Variants in PKD1L1 observed in about 807,000 individuals in gnomAD.
PKD1L1 encodes polycystin 1 like 1, transient receptor potential channel interacting.
Under a neutral mutation model 323.4 loss-of-function variants are expected in PKD1L1, and 236 were observed. That is an observed-to-expected ratio of 0.73 (90% confidence interval 0.66 to 0.81). The LOEUF is 0.81. Ranked by LOEUF, PKD1L1 falls within the 40% of genes least tolerant of loss-of-function variation. The pLI, the probability that PKD1L1 is intolerant of heterozygous loss-of-function variation, is 0.00. For missense variants in PKD1L1, 3,320 were observed against 3,508.0 expected (o/e 0.95, Z 1.35); for synonymous variants, 1,344 against 1,335.0 (o/e 1.01, Z -0.15).
chr7:47,839,557 G>A lies in PKD1L1; in HGVS notation c.5658C>T (p.His1886=), dbSNP rs150489542. 1.8e-5 allele frequency: 29 copies of A among 1,607,998 alleles called. No individual in the cohort carries two copies. In the African/African-American group the frequency reaches 3.7e-4, roughly 21 times the overall value. Residue 1886 remains histidine (H), a synonymous_variant, in exon 36 of 57, where the codon CAC becomes CAT. Coordinates refer to ENST00000289672, the MANE Select transcript of PKD1L1 (RefSeq NM_138295.5). This position sits in a 1 kb window ranked among gnomAD's most constrained non-coding sequence, Gnocchi z 4.3. ...FISHVMVKEL[H]TGQGWFFPAQ... Reference sequence around the variant, plus strand: ...CAGGGAAGAACCAGCCCTGTCCCGTGTGCAGCTCCTTCACCATCACGTGGC... The same window carrying A: ...CAGGGAAGAACCAGCCCTGTCCCGTATGCAGCTCCTTCACCATCACGTGGC...
At chr7:47,899,791 C>T (rs1408892131) in intron 13 of PKD1L1, among the ~76,000 whole-genome samples, 1 of 151,928 alleles carries the variant, frequency 6.6e-6, no homozygotes, top group Admixed American at 6.6e-5. Flanking sequence ...CCTGTTTTTA[C>T]TAAAAATACA....
rs1408806107 is a variant in PKD1L1 at position 47,931,324 on chromosome 7, TA to T, written c.520-4del. On this transcript the variant is annotated splice_region_variant and splice_polypyrimidine_tract_variant and intron_variant, in intron 5 of 56. Coordinates refer to ENST00000289672, the MANE Select transcript of PKD1L1 (RefSeq NM_138295.5). ...GCTGCAGAAGTGGTGCCCTGGAGCT[TA>T]AAAGTTTAAGAACAGTTCAGGGTTT... 1.2e-6 allele frequency: 2 copies of T among 1,613,980 alleles called. No individual in the cohort carries two copies. The highest frequency in any genetic ancestry group is 4.5e-5 in the East Asian group (2 of 44,906).
chr7:47,844,931 C>T (rs1785632876), intron 33 of PKD1L1, 64 bp downstream of exon 33: 1 of 1,370,308 alleles, frequency 7.3e-7, no homozygotes, highest in South Asian at 1.3e-5. Context: ...TATATGTGGG[C>T]ATCCTGAGTG....
Position 47,829,311 on chromosome 7 carries a change from G to T in PKD1L1, c.6735+114C>A. ...GCATAAGAAATTAAGACATCCCATG[G>T]GTCTCCAAAGATGCAACCCAATCTG... On this transcript the variant is annotated intron_variant, in intron 44 of 56. Transcript: ENST00000289672. The T allele has an allele frequency of 9.8e-6, 10 of 1,021,506 alleles. No individual in the cohort carries two copies. In the South Asian group the frequency reaches 1.8e-4, roughly 19 times the overall value. The allele number at this position is 1,021,506 out of a possible 1,614,324, so 63.3% of individuals were successfully genotyped here.
At chr7:47,777,917 C>G (rs1376904378) in intron 56 of PKD1L1, among the ~76,000 whole-genome samples, 1 of 152,194 alleles carries the variant, frequency 6.6e-6, no homozygotes, top group Non-Finnish European at 1.5e-5. Flanking sequence ...ACACATTGCT[C>G]TCTATAGGGG....
At chr7:47,834,445 G>T in intron 39 of PKD1L1, 60 bp from the exon 40 acceptor site, 1 of 1,393,430 alleles carries the variant, frequency 7.2e-7, no homozygotes, top group Non-Finnish European at 1.0e-6. Context: ...TTTAAACAGG[G>T]ATATGTTTAA....
At chr7:47,890,045 G>A (rs1423557272) in intron 16 of PKD1L1, among the ~76,000 whole-genome samples, 1 of 152,228 alleles carries the variant, frequency 6.6e-6, no homozygotes, top group Non-Finnish European at 1.5e-5. Flanking sequence ...CAGCGCTACA[G>A]GGGTTCTGGG....
At chr7:47,906,510 CCCT>C (rs1159942135) in intron 9 of PKD1L1, among the ~76,000 whole-genome samples, 10 of 152,088 alleles carry the variant, frequency 6.6e-5, no homozygotes, top group African/African-American at 1.4e-4. Context: ...ATCACACATA[CCCT>C]CCTATGACAT....
intron 56 of PKD1L1, among the ~76,000 whole-genome samples, chr7:47,783,307 T>C (rs1195974621): frequency 4.8e-5 from 7 of 146,886 alleles, no homozygotes; most frequent in African/African-American, 1.8e-4. Context: ...AACATCATTC[T>C]TATAAAAGCA....
chr7:47,940,708 A>G (rs1328148206), intron 2 of PKD1L1, among the ~76,000 whole-genome samples: 3 of 152,214 alleles, frequency 2.0e-5, no homozygotes, highest in Non-Finnish European at 4.4e-5. Context: ...GCTGTTGGAC[A>G]AACAGGAAGA....
Position 47,842,899 on chromosome 7 carries a change from C to T in PKD1L1, c.5445+63G>A, listed in dbSNP as rs1224834726. ...GACGGGGCAGCCAAATCACCAAATC[C>T]TCACTTCTGATGTTGACACTGCTTA... On this transcript the variant is annotated intron_variant, in intron 34 of 56. Coordinates refer to ENST00000289672, the MANE Select transcript of PKD1L1 (RefSeq NM_138295.5). The T allele has an allele frequency of 7.5e-6, 11 of 1,467,430 alleles. 1 individual carries two copies. The South Asian group carries it at 1.4e-4, about 19-fold the overall frequency. 90.9% of individuals were successfully genotyped at this position (1,467,430 alleles called of 1,614,324 possible).
At chr7:47,865,511 G>A (rs1481474169) in intron 25 of PKD1L1, among the ~76,000 whole-genome samples, 2 of 151,286 alleles carry the variant, frequency 1.3e-5, no homozygotes, top group South Asian at 2.1e-4. Context: ...CACTCCATCA[G>A]GGAACTGACA....
At chr7:47,831,405 A>G (rs2128735435) in intron 41 of PKD1L1, 53 bp from the exon 42 acceptor site, 2 of 1,564,214 alleles carry the variant, frequency 1.3e-6, no homozygotes, top group East Asian at 2.3e-5. Context: ...CGGCATCTCC[A>G]TCCACGCGGA....
intron 46 of PKD1L1, among the ~76,000 whole-genome samples, chr7:47,816,607 G>A (rs1324226722): frequency 6.6e-6 from 1 of 152,190 alleles, no homozygotes; most frequent in African/African-American, 2.4e-5. Flanking sequence ...AAACAGAAAT[G>A]GCTCTGATGT....
chr7:47,882,989 A>C (rs1461637199), intron 19 of PKD1L1, among the ~76,000 whole-genome samples: 1 of 152,196 alleles, frequency 6.6e-6, no homozygotes, highest in Non-Finnish European at 1.5e-5. Flanking sequence ...TAAGACTTGA[A>C]ACCAAGGTCA....
At chr7:47,835,761 T>C (rs1785444513) in intron 37 of PKD1L1, among the ~76,000 whole-genome samples, 1 of 152,160 alleles carries the variant, frequency 6.6e-6, no homozygotes, top group African/African-American at 2.4e-5. Context: ...AATAGAACTA[T>C]ATATAGAACT....
Position 47,803,231 on chromosome 7 carries a change from G to C in PKD1L1, c.7941C>G (p.Leu2647=), listed in dbSNP as rs759530622. 1.2e-6 allele frequency: 2 copies of C among 1,614,146 alleles called. No individual in the cohort carries two copies. The highest frequency in any genetic ancestry group is 1.7e-6 in the Non-Finnish European group (2 of 1,180,018). The change falls in exon 53 of 57, where the codon CTC becomes CTG. Residue 2647 remains leucine, a synonymous_variant. Coordinates refer to ENST00000289672, the MANE Select transcript of PKD1L1 (RefSeq NM_138295.5). The part of the protein sequence containing the change: ...ASCSSMMRHS[L]PSIFVAGLVG... ...TTACCCCTGCTACAAAGATGCTGGG[G>C]AGTGAGTGGCGCATCATGGAGGAGC...
intron 52 of PKD1L1, among the ~76,000 whole-genome samples, chr7:47,807,218 CT>C (rs1784797843): frequency 6.6e-6 from 1 of 152,032 alleles, no homozygotes; most frequent in Admixed American, 6.6e-5. Context: ...CCTTTAGAAC[CT>C]GTTTCTTTCC....
At position 47,813,898 on chromosome 7, in the gene PKD1L1, T is replaced by A. The variant is rs1584961997; in HGVS notation, c.7173+33A>T. The stretch of plus-strand genomic sequence containing the variant: ...GCCTAGACTTCTCTAATTCCATTTA[T>A]TCTTGGAAGCAAAAGGAAAAGGAAC... On this transcript the variant is annotated intron_variant, in intron 48 of 56. Coordinates refer to ENST00000289672, the MANE Select transcript of PKD1L1 (RefSeq NM_138295.5). 8 of 1,577,822 alleles carry A rather than the reference T, an allele frequency of 5.1e-6. No individual in the cohort carries two copies. In the East Asian group the frequency reaches 1.8e-4, roughly 35 times the overall value.
Sources: allele counts gnomAD v4.1 joint callset (sites outside exome capture counted in the v4.1 genomes callset), GRCh38; gene constraint gnomAD v4.1.1; non-coding constraint Gnocchi (gnomAD v3.1); transcripts MANE v1.5; gene names NCBI Gene and HGNC (gene_info 2026-07-23, HGNC 2026-07-21).